The following TSPAN18 variants were observed in gnomAD, a reference collection of about 807,000 sequenced individuals.
TSPAN18 encodes the protein tetraspanin-18.
Under a neutral mutation model 27.3 loss-of-function variants are expected in TSPAN18, and 14 were observed. The observed-to-expected ratio is 0.51, with a 90% confidence interval of 0.34 to 0.80. The LOEUF is 0.80. TSPAN18 is among the 30% of genes least tolerant of loss of function. The pLI, the probability that TSPAN18 is intolerant of heterozygous loss-of-function variation, is 0.01. For synonymous variants in TSPAN18, 143 were observed against 136.5 expected, an observed-to-expected ratio of 1.05 and a Z score of -0.33; for missense variants, 268 against 323.9, an observed-to-expected ratio of 0.83 and a Z score of 1.32.
intron 2 of TSPAN18, among the ~76,000 whole-genome samples, chr11:44,836,005 T>A (rs1344123318): frequency 6.6e-6 from 1 of 152,126 alleles, no homozygotes; most frequent in Non-Finnish European, 1.5e-5. Context: ...TCTCTCTCCC[T>A]CTCCTTGGGC....
At chr11:44,754,308 TG>T (rs1156910407) in intron 1 of TSPAN18, among the ~76,000 whole-genome samples, 2 of 152,222 alleles carry the variant, frequency 1.3e-5, no homozygotes, top group African/African-American at 2.4e-5. Context: ...CCTTGCTAGC[TG>T]CAGGGTGGCC....
intron 3 of TSPAN18, among the ~76,000 whole-genome samples, chr11:44,890,496 G>A (rs1209288108): frequency 6.6e-6 from 1 of 152,144 alleles, no homozygotes; most frequent in African/African-American, 2.4e-5. Flanking sequence ...GGCCAAGGCA[G>A]GCGGATCACG....
At chr11:44,837,732 A>G (rs974702906) in intron 2 of TSPAN18, among the ~76,000 whole-genome samples, 1 of 152,270 alleles carries the variant, frequency 6.6e-6, no homozygotes, top group African/African-American at 2.4e-5. Flanking sequence ...AGCAGCCATC[A>G]ACATGGAGGC....
intron 2 of TSPAN18, among the ~76,000 whole-genome samples, chr11:44,857,626 T>C (rs563668328): frequency 1.9e-3 from 291 of 152,180 alleles, no homozygotes; most frequent in African/African-American, 6.8e-3. Flanking sequence ...AGAAGACAGG[T>C]GACGTGGGCC....
chr11:44,760,371 T>A (rs1855425076), intron 1 of TSPAN18, among the ~76,000 whole-genome samples: 1 of 152,148 alleles, frequency 6.6e-6, no homozygotes, highest in African/African-American at 2.4e-5. Context: ...TCTATGAGGA[T>A]GGAGAGTCAA....
chr11:44,866,658 T>A (rs1195915527), intron 3 of TSPAN18, among the ~76,000 whole-genome samples: 1 of 152,200 alleles, frequency 6.6e-6, no homozygotes, highest in Non-Finnish European at 1.5e-5. Flanking sequence ...GCACCTGAGC[T>A]TGTAACTTTT....
intron 5 of TSPAN18, among the ~76,000 whole-genome samples, chr11:44,914,674 A>G (rs1170740691): frequency 6.6e-6 from 1 of 152,190 alleles, no homozygotes; most frequent in African/African-American, 2.4e-5. Flanking sequence ...GGTACTGCCC[A>G]CCAGCTATGC....
In TSPAN18 at chr11:44,904,521, G is replaced by C. The variant is rs949766635; in HGVS notation, c.-10-1886G>C. Among the ~76,000 whole-genome samples the C allele has an allele frequency of 2.6e-5, 4 of 152,314 alleles. No homozygotes were observed. The East Asian group carries it at 7.7e-4, about 29-fold the overall frequency. ...GAAACAACGAGAGGAGGGACGCAAG[G>C]CACCACCCCTGAGACCAGGAACCTT... On this transcript the variant is annotated intron_variant, in intron 3 of 9. Transcript: ENST00000520358.
chr11:44,815,184 G>T (rs907864488), intron 2 of TSPAN18, among the ~76,000 whole-genome samples: 2 of 152,192 alleles, frequency 1.3e-5, no homozygotes. Context: ...AGGCACTCCT[G>T]GGGGCTTCCA....
At chr11:44,896,317 C>G (rs1859048187) in intron 3 of TSPAN18, among the ~76,000 whole-genome samples, 1 of 152,206 alleles carries the variant, frequency 6.6e-6, no homozygotes, top group African/African-American at 2.4e-5. Flanking sequence ...CCAGCCCCAT[C>G]ACTTACCAAC....
chr11:44,873,370 A>G (rs1004266910), intron 3 of TSPAN18, among the ~76,000 whole-genome samples: 4 of 152,200 alleles, frequency 2.6e-5, no homozygotes, highest in Non-Finnish European at 5.9e-5. Context: ...ATGCCACAGC[A>G]GCTTTAGGAA....
intron 2 of TSPAN18, among the ~76,000 whole-genome samples, chr11:44,777,576 G>T (rs1403608636): frequency 6.6e-6 from 1 of 152,196 alleles, no homozygotes; most frequent in Non-Finnish European, 1.5e-5. Context: ...CAAAGCCCCT[G>T]GGTAGGGCTG....
intron 4 of TSPAN18, among the ~76,000 whole-genome samples, chr11:44,908,116 G>A (rs905351533): frequency 2.0e-5 from 3 of 149,798 alleles, no homozygotes; most frequent in South Asian, 4.2e-4. Flanking sequence ...AAACCCTGTC[G>A]CTGGCCATGC....
chr11:44,727,801 G>A (rs990999762), intron 1 of TSPAN18, among the ~76,000 whole-genome samples: 1 of 152,220 alleles, frequency 6.6e-6, no homozygotes, highest in Non-Finnish European at 1.5e-5. Context: ...GGCGGGGCGG[G>A]GCGGAGGCGC....
chr11:44,800,617 C>G (rs1180738421), intron 2 of TSPAN18, among the ~76,000 whole-genome samples: 1 of 152,224 alleles, frequency 6.6e-6, no homozygotes, highest in East Asian at 1.9e-4. Context: ...TGCAGCTGTT[C>G]TCTGCCAGAG....
In TSPAN18 at chr11:44,932,114, T is replaced by C. The variant is rs1012910899; in HGVS notation, c.*2936T>C. On this transcript the variant is annotated 3_prime_UTR_variant, in exon 10 of 10. Transcript: ENST00000520358. ...CCTCCCTTGTCTATGTCTCTATCCA[T>C]GCTTAAGGGGCCCGGACAGGATTTC... 2 of 152,188 alleles carry C rather than the reference T, an allele frequency of 1.3e-5. No homozygotes were observed. Among genetic ancestry groups the C allele is most frequent in the Non-Finnish European group, 2.9e-5 (2 of 68,048 alleles). 9.4% of individuals were successfully genotyped at this position (152,188 alleles called of 1,614,324 possible).
At chr11:44,762,424 TACAC>T (rs1349721544) in intron 1 of TSPAN18, among the ~76,000 whole-genome samples, 1 of 152,224 alleles carries the variant, frequency 6.6e-6, no homozygotes, top group Non-Finnish European at 1.5e-5. Flanking sequence ...GGTACATGCT[TACAC>T]ACACATGCAT....
chr11:44,826,777 T>C (rs1267341163), intron 2 of TSPAN18, among the ~76,000 whole-genome samples: 1 of 152,016 alleles, frequency 6.6e-6, no homozygotes, highest in Non-Finnish European at 1.5e-5. Context: ...CACACAGGGG[T>C]TTGGATTCTG....
intron 2 of TSPAN18, among the ~76,000 whole-genome samples, chr11:44,834,445 C>G (rs904828444): frequency 6.6e-6 from 1 of 152,164 alleles, no homozygotes; most frequent in East Asian, 1.9e-4. Context: ...ACTGTGTGTG[C>G]CTGGGTTGTG....
Sources: gnomAD v4.1 joint callset for allele counts (sites outside exome capture counted in the v4.1 genomes callset) on GRCh38, gnomAD v4.1.1 for gene constraint, MANE v1.5 for transcripts, NCBI Gene and HGNC (gene_info 2026-07-23, HGNC 2026-07-21) for gene names.